PCDHA7: variants seen among roughly 807,000 people sequenced by gnomAD.
The protein encoded by PCDHA7 is protocadherin alpha 7.
In PCDHA7, 37 loss-of-function variants were observed where a neutral mutation model predicts 57.2. The ratio of observed to expected loss-of-function variants is 0.65; its 90% CI spans 0.50 to 0.85. The LOEUF (loss-of-function observed/expected upper bound fraction) is 0.85, where lower values mean the gene tolerates loss of function less well. Ranked by LOEUF, PCDHA7 falls within the 40% of genes least tolerant of loss-of-function variation. PCDHA7 has a pLI of 0.00. For synonymous variants in PCDHA7, 553 were observed against 558.8 expected (o/e 0.99, Z 0.15); for missense variants, 1,188 against 1,241.8 (o/e 0.96, Z 0.65).
chr5:140,927,933 C>G (rs1273187123), intron 1 of PCDHA7: 2 of 1,614,208 alleles, frequency 1.2e-6, no homozygotes, highest in East Asian at 4.5e-5. Context: ...CTCTTTCGAA[C>G]CCAGTACCTG....
chr5:140,864,323 T>C (rs2048419778), intron 1 of PCDHA7: 1 of 152,230 alleles, frequency 6.6e-6, no homozygotes, highest in Admixed American at 6.5e-5. Flanking sequence ...TTTAATATCA[T>C]AATTATTTGA....
chr5:140,930,098 A>G (rs1345846320), intron 1 of PCDHA7: 1 of 152,124 alleles, frequency 6.6e-6, no homozygotes, highest in Non-Finnish European at 1.5e-5. Flanking sequence ...ATTTATACTG[A>G]TAGGAGATCA....
chr5:140,875,443 G>A, intron 1 of PCDHA7: 1 of 1,580,070 alleles, frequency 6.3e-7, no homozygotes. Flanking sequence ...AAAACTGATT[G>A]TCCCAACTCA....
intron 1 of PCDHA7, among the ~76,000 whole-genome samples, chr5:140,975,776 A>G (rs1554237009): frequency 1.3e-5 from 2 of 152,152 alleles, no homozygotes; most frequent in African/African-American, 2.4e-5. Flanking sequence ...AGATAATACC[A>G]TTACAAGATA....
chr5:140,958,419 A>C (rs1275772647), intron 1 of PCDHA7, among the ~76,000 whole-genome samples: 1 of 152,196 alleles, frequency 6.6e-6, no homozygotes, highest in Non-Finnish European at 1.5e-5. Flanking sequence ...GCTTGGAAAG[A>C]AGCACTTTTT....
chr5:140,907,412 A>G (rs889699438), intron 1 of PCDHA7, among the ~76,000 whole-genome samples: 5 of 152,232 alleles, frequency 3.3e-5, no homozygotes, highest in Non-Finnish European at 7.3e-5. Flanking sequence ...GAATACCACG[A>G]TGGTGGATAA....
intron 1 of PCDHA7, among the ~76,000 whole-genome samples, chr5:140,961,726 A>ACAAT (rs1470566144): frequency 1.4e-4 from 21 of 152,270 alleles, no homozygotes; most frequent in African/African-American, 4.8e-4. Flanking sequence ...GTGCTCATAA[A>ACAAT]CAATCACTTT....
At chr5:140,901,643 G>A (rs1011127972) in intron 1 of PCDHA7, among the ~76,000 whole-genome samples, 7 of 151,908 alleles carry the variant, frequency 4.6e-5, no homozygotes, top group Non-Finnish European at 8.8e-5. Context: ...TGATTCTTCC[G>A]GTTTTGTTCT....
intron 1 of PCDHA7, among the ~76,000 whole-genome samples, chr5:140,974,396 G>A (rs1413050341): frequency 6.6e-6 from 1 of 152,178 alleles, no homozygotes; most frequent in Non-Finnish European, 1.5e-5. Context: ...CATTAGGTAT[G>A]TTCTAAAGTT....
intron 1 of PCDHA7, among the ~76,000 whole-genome samples, chr5:140,964,823 G>A (rs541084771): frequency 2.6e-5 from 4 of 152,218 alleles, no homozygotes; most frequent in Non-Finnish European, 1.5e-5. Context: ...AGATTTTGAT[G>A]AAAATTGCTT....
At chr5:140,920,851 A>C (rs1370021063) in intron 1 of PCDHA7, among the ~76,000 whole-genome samples, 1 of 152,008 alleles carries the variant, frequency 6.6e-6, no homozygotes, top group Non-Finnish European at 1.5e-5. Flanking sequence ...TAAAAAAAAA[A>C]AAAAAAACAA....
chr5:140,929,470 T>G (rs1554207109), intron 1 of PCDHA7: 3 of 1,296,742 alleles, frequency 2.3e-6, no homozygotes, highest in Admixed American at 2.9e-5. Context: ...CCAAGAAATC[T>G]GGAAGTATAG....
rs1044322759 is a variant in PCDHA7 at position 140,877,540 on chromosome 5, G to C, written c.2355+40802G>C. 35 of 1,613,652 alleles carry C rather than the reference G, an allele frequency of 2.2e-5. No individual in the cohort carries two copies. Among genetic ancestry groups the C allele is most frequent in the Non-Finnish European group, 2.7e-5 (32 of 1,179,908 alleles). On this transcript the variant is annotated intron_variant, in intron 1 of 3. Coordinates refer to ENST00000525929, the MANE Select transcript of PCDHA7 (RefSeq NM_018910.3). ...GGCCTCAGTGGGCGCTGTGGATCCCGAAGCGGCTCTGGTGGATATTAACGT... is the reference window on the plus strand; with the variant it reads ...GGCCTCAGTGGGCGCTGTGGATCCCCAAGCGGCTCTGGTGGATATTAACGT...
At chr5:140,916,464 G>T (rs2077577403) in intron 1 of PCDHA7, among the ~76,000 whole-genome samples, 1 of 152,206 alleles carries the variant, frequency 6.6e-6, no homozygotes, top group Non-Finnish European at 1.5e-5. Context: ...ATCACTGCTG[G>T]TTATTTGGTG....
At chr5:140,929,362 G>A (rs781830495) in intron 1 of PCDHA7, 13 of 1,520,234 alleles carry the variant, frequency 8.6e-6, no homozygotes, top group Middle Eastern at 1.8e-4. Flanking sequence ...CCTTTGGCCC[G>A]GAGATGGCTG....
In PCDHA7 at chr5:140,915,626, GTCTCTCTC is replaced by G. The variant is rs57920489; in HGVS notation, c.2356-63300_2356-63293del. ...ACTTTCTGTCAAACAGTCTCTTTCT[GTCTCTCTC>G]TCTCTCTCTCTCTCTCTCTCTCAAG... is the stretch of plus-strand genomic sequence containing the variant. On this transcript the variant is annotated intron_variant, in intron 1 of 3. Transcript: ENST00000525929. Among the ~76,000 whole-genome samples, 662 of 146,534 alleles carry G rather than the reference GTCTCTCTC, an allele frequency of 4.5e-3. 3 individuals are homozygous for G. The highest frequency in any genetic ancestry group is 0.016 in the African/African-American group (641 of 39,750).
intron 1 of PCDHA7, among the ~76,000 whole-genome samples, chr5:140,895,928 A>G (rs559949902): frequency 5.9e-5 from 9 of 152,226 alleles, no homozygotes; most frequent in African/African-American, 1.9e-4. Flanking sequence ...ATCCTGCCTC[A>G]GCCTCCCGAG....
chr5:140,871,643 C>G (rs1432039358), intron 1 of PCDHA7: 1 of 1,293,296 alleles, frequency 7.7e-7, no homozygotes, highest in Admixed American at 2.9e-5. Flanking sequence ...TCATAAAATA[C>G]CAAATGATAC....
chr5:140,887,335 A>G (rs1360547523), intron 1 of PCDHA7, among the ~76,000 whole-genome samples: 1 of 152,102 alleles, frequency 6.6e-6, no homozygotes, highest in African/African-American at 2.4e-5. Flanking sequence ...TGACCTCGTG[A>G]TCCACCTGGC....
Sources: gnomAD v4.1 joint callset for allele counts (sites outside exome capture counted in the v4.1 genomes callset) on GRCh38, gnomAD v4.1.1 for gene constraint, MANE v1.5 for transcripts, NCBI Gene and HGNC (gene_info 2026-07-23, HGNC 2026-07-21) for gene names.